TMPRSS7: variants seen among roughly 807,000 people sequenced by gnomAD.
TMPRSS7 encodes transmembrane protease serine 7.
TMPRSS7 carries 81 observed loss-of-function variants against 95.6 expected under a neutral mutation model. The observed-to-expected ratio is 0.85, with a 90% CI of 0.71 to 1.02. The LOEUF (loss-of-function observed/expected upper bound fraction) is 1.02, where lower values mean the gene tolerates loss of function less well. TMPRSS7 is among the 50% of genes least tolerant of loss of function. The pLI is 0.00. For missense variants in TMPRSS7, 945 were observed against 955.2 expected, an observed-to-expected ratio of 0.99 and a Z score of 0.14; for synonymous variants, 364 against 337.8, an observed-to-expected ratio of 1.08 and a Z score of -0.85.
At chr3:112,073,398 T>C (rs951268510) in intron 13 of TMPRSS7, among the ~76,000 whole-genome samples, 7 of 152,198 alleles carry the variant, frequency 4.6e-5, no homozygotes, top group Admixed American at 2.6e-4. Context: ...ATTACGCGCC[T>C]GGCCTTTTCT....
At chr3:112,068,501 G>A (rs1201459258) in intron 13 of TMPRSS7, among the ~76,000 whole-genome samples, 3 of 152,072 alleles carry the variant, frequency 2.0e-5, no homozygotes, top group Non-Finnish European at 2.9e-5. Flanking sequence ...TCATTTTGTT[G>A]AGCAGTGGTT....
At chr3:112,039,187 C>T (rs928693472) in intron 2 of TMPRSS7, among the ~76,000 whole-genome samples, 6 of 152,168 alleles carry the variant, frequency 3.9e-5, no homozygotes, top group African/African-American at 1.4e-4. Flanking sequence ...CAAGTATAGC[C>T]TTTGTTGACT....
At chr3:112,055,481 A>ACACACACACACACACACACACG (rs34277259) in intron 9 of TMPRSS7, among the ~76,000 whole-genome samples, 1 of 151,744 alleles carries the variant, frequency 6.6e-6, no homozygotes, top group Non-Finnish European at 1.5e-5. Flanking sequence ...ACACACACAC[A>ACACACACACACACACACACACG]GCATAACATA....
chr3:112,053,025 T>C (rs1222622274), intron 9 of TMPRSS7, among the ~76,000 whole-genome samples: 1 of 152,132 alleles, frequency 6.6e-6, no homozygotes, highest in Non-Finnish European at 1.5e-5. Flanking sequence ...TGTTAGCTGT[T>C]GTCATCTCTC....
rs556248008 is a variant in TMPRSS7 at position 112,051,605 on chromosome 3, T to C, written c.1203+822T>C. 4.6e-5 allele frequency among the ~76,000 whole-genome samples: 7 copies of C among 151,498 alleles called. No individual in the cohort carries two copies. The South Asian group carries it at 1.5e-3, about 32-fold the overall frequency. On this transcript the variant is annotated intron_variant, in intron 9 of 17. Transcript: ENST00000452346. Reference sequence around the variant, plus strand: ...TATATCTATCTCTATTATCTATCTCTATTATCTATCTATCTCTATCATCTA... The same window carrying C: ...TATATCTATCTCTATTATCTATCTCCATTATCTATCTATCTCTATCATCTA...
At chr3:112,065,563 C>T (rs918747354) in intron 12 of TMPRSS7, among the ~76,000 whole-genome samples, 3 of 151,874 alleles carry the variant, frequency 2.0e-5, no homozygotes, top group Admixed American at 2.0e-4. Flanking sequence ...AATCATTATT[C>T]CTCATTGTGC....
At chr3:112,080,698 C>T (rs77017561) in intron 17 of TMPRSS7, among the ~76,000 whole-genome samples, 3,429 of 152,160 alleles carry the variant, frequency 0.023, 104 homozygotes, top group African/African-American at 0.063. Flanking sequence ...AATCATGTTT[C>T]GTCTAATGAA....
At chr3:112,049,897 T>A in exon 8 of TMPRSS7, 1 of 1,561,234 alleles carries the variant, frequency 6.4e-7, no homozygotes, top group Non-Finnish European at 8.8e-7. Flanking sequence ...AATAATCTCA[T>A]GTTGGTGACA....
At chr3:112,050,538 A>AAC in intron 8 of TMPRSS7, 133 bp from the exon 9 acceptor site, 1 of 391,514 alleles carries the variant, frequency 2.6e-6, no homozygotes, top group Non-Finnish European at 4.7e-6. Context: ...AAAAAAAAAA[A>AAC]CCCAAAGTTT....
chr3:112,074,907 A>G (rs959780095), intron 14 of TMPRSS7, among the ~76,000 whole-genome samples: 3 of 152,248 alleles, frequency 2.0e-5, no homozygotes, highest in Non-Finnish European at 4.4e-5. Context: ...AATTGCTCTG[A>G]TAACTAGTTT....
At chr3:112,075,608 C>A in intron 15 of TMPRSS7, 116 bp downstream of exon 15, 2 of 973,150 alleles carry the variant, frequency 2.1e-6, no homozygotes, top group Non-Finnish European at 2.8e-6. Flanking sequence ...TTCAATTGCA[C>A]TTTCATTTTT....
At chr3:112,060,804 G>A (rs2073493728) in intron 10 of TMPRSS7, among the ~76,000 whole-genome samples, 2 of 152,136 alleles carry the variant, frequency 1.3e-5, no homozygotes. Flanking sequence ...AGTAAAGACA[G>A]GTGTAGGAAA....
At chr3:112,070,902 TTGCCAGTC>T (rs1212019977) in intron 13 of TMPRSS7, among the ~76,000 whole-genome samples, 2 of 152,250 alleles carry the variant, frequency 1.3e-5, no homozygotes, top group African/African-American at 4.8e-5. Context: ...TTTATCCAGT[TTGCCAGTC>T]TGTGTCTTTT....
intron 7 of TMPRSS7, 100 bp from the exon 8 acceptor site, chr3:112,049,744 G>A: frequency 9.8e-7 from 1 of 1,017,004 alleles, no homozygotes. Context: ...TGGATGGATT[G>A]AATGGATGGC....
chr3:112,071,811 T>G (rs2073650674), intron 13 of TMPRSS7, among the ~76,000 whole-genome samples: 1 of 152,308 alleles, frequency 6.6e-6, no homozygotes, highest in Middle Eastern at 3.4e-3. Context: ...TCATTTAAGG[T>G]CTTTTCTACA....
chr3:112,064,137 T>G (rs904946582), intron 12 of TMPRSS7, among the ~76,000 whole-genome samples: 15 of 152,120 alleles, frequency 9.9e-5, no homozygotes, highest in African/African-American at 3.4e-4. Context: ...AACACTGGGG[T>G]GCATAATACT....
chr3:112,036,716 G>A (rs938076517), intron 1 of TMPRSS7, among the ~76,000 whole-genome samples: 1 of 152,192 alleles, frequency 6.6e-6, no homozygotes, highest in African/African-American at 2.4e-5. Flanking sequence ...ATTCAACAGA[G>A]TTGGAGAGTT....
intron 10 of TMPRSS7, 110 bp downstream of exon 10, chr3:112,057,241 C>A: frequency 2.7e-6 from 2 of 753,498 alleles, no homozygotes; most frequent in South Asian, 1.8e-5. Flanking sequence ...GTTAGGGAAA[C>A]TGAGGGATAT....
Position 112,045,344 on chromosome 3 carries a change from C to T in TMPRSS7, c.498-406C>T, listed in dbSNP as rs777566904. ...TGTAGTTTTAGTAGAGACAGGGTTT[C>T]ACCGTGTTAGTCAGGCTGGTCTCGA... is the stretch of plus-strand genomic sequence containing the variant. On this transcript the variant is annotated intron_variant, in intron 4 of 17. Coordinates refer to ENST00000452346, the Ensembl canonical transcript of TMPRSS7. Among the ~76,000 whole-genome samples the T allele has an allele frequency of 8.0e-4, 121 of 152,144 alleles. 3 individuals carry two copies. The highest frequency in any genetic ancestry group is 2.4e-4 in the Non-Finnish European group (16 of 68,020).
Sources: allele counts gnomAD v4.1 joint callset (sites outside exome capture counted in the v4.1 genomes callset), GRCh38; gene constraint gnomAD v4.1.1; transcripts MANE v1.5; gene names NCBI Gene and HGNC (gene_info 2026-07-23, HGNC 2026-07-21).